EYS: variants seen among roughly 807,000 people sequenced by gnomAD.
EYS encodes the protein EGF-like photoreceptor maintenance factor.
Under a neutral mutation model 282.1 loss-of-function variants are expected in EYS, and 250 were observed. The observed-to-expected ratio is 0.89, with a 90% CI of 0.80 to 0.98. The LOEUF (loss-of-function observed/expected upper bound fraction) is 0.98. EYS is among the 50% of genes least tolerant of loss of function. The probability of loss-of-function intolerance (pLI) is 0.00; values close to 1 mark genes in which losing one functional copy is unlikely to be tolerated. For synonymous variants in EYS, 1,355 were observed against 1,282.9 expected (o/e 1.06, Z -1.20); for missense variants, 4,016 against 3,709.0 (o/e 1.08, Z -2.15).
At chr6:63,744,927 A>C (rs1415976736) in intron 41 of EYS, 6 of 394,858 alleles carry the variant, frequency 1.5e-5, no homozygotes, top group African/African-American at 4.3e-5. Context: ...AGTATAGTAG[A>C]TTAGATAACA....
At chr6:65,355,141 G>A (rs1764430725) in intron 8 of EYS, among the ~76,000 whole-genome samples, 1 of 152,006 alleles carries the variant, frequency 6.6e-6, no homozygotes, top group Non-Finnish European at 1.5e-5. Flanking sequence ...TATTCATATT[G>A]ATAGGATCCT....
At chr6:64,021,263 A>T (rs1205573686) in intron 33 of EYS, among the ~76,000 whole-genome samples, 1 of 152,054 alleles carries the variant, frequency 6.6e-6, no homozygotes, top group African/African-American at 2.4e-5. Flanking sequence ...GCATTTTCTT[A>T]AGCCAGGTAC....
At chr6:64,896,338 G>C (rs575648125) in intron 18 of EYS, among the ~76,000 whole-genome samples, 97 of 152,156 alleles carry the variant, frequency 6.4e-4, no homozygotes, top group African/African-American at 2.1e-3. Flanking sequence ...GGGGTCAGGG[G>C]CCTCCCTCCC....
intron 19 of EYS, among the ~76,000 whole-genome samples, chr6:64,873,552 G>A (rs1766657518): frequency 6.6e-6 from 1 of 152,026 alleles, no homozygotes; most frequent in South Asian, 2.1e-4. Context: ...TGGAGAAAGG[G>A]ATGATATTGA....
At chr6:64,881,241 C>A (rs763860661) in intron 19 of EYS, among the ~76,000 whole-genome samples, 2 of 151,696 alleles carry the variant, frequency 1.3e-5, no homozygotes, top group Admixed American at 6.6e-5. Flanking sequence ...AAGCTCATTT[C>A]TTTCAATATG....
At chr6:65,240,782 T>C (rs778777098) in intron 12 of EYS, among the ~76,000 whole-genome samples, 24 of 152,188 alleles carry the variant, frequency 1.6e-4, no homozygotes, top group Non-Finnish European at 3.2e-4. Flanking sequence ...CAATTTATTT[T>C]CCTTTGGATA....
At chr6:63,955,238 C>T (rs575847299) in intron 35 of EYS, among the ~76,000 whole-genome samples, 11 of 152,244 alleles carry the variant, frequency 7.2e-5, no homozygotes, top group South Asian at 2.1e-4. Flanking sequence ...TATCTTCTGT[C>T]TAATCATACT....
intron 31 of EYS, among the ~76,000 whole-genome samples, chr6:64,194,572 C>A (rs1292176840): frequency 6.6e-6 from 1 of 151,788 alleles, no homozygotes; most frequent in Non-Finnish European, 1.5e-5. Flanking sequence ...ATTACAATTA[C>A]CTTTTGGTTT....
At chr6:64,069,321 TATG>T (rs574875778) in intron 32 of EYS, among the ~76,000 whole-genome samples, 172 of 152,240 alleles carry the variant, frequency 1.1e-3, no homozygotes, top group African/African-American at 4.0e-3. Flanking sequence ...AAATAATTCT[TATG>T]ATGTAAATAT....
intron 26 of EYS, among the ~76,000 whole-genome samples, chr6:64,444,297 T>C (rs1054750019): frequency 6.6e-6 from 1 of 152,206 alleles, no homozygotes; most frequent in African/African-American, 2.4e-5. Context: ...GTTGGTATCA[T>C]TGCTTGTAAA....
chr6:63,950,657 T>C (rs533133884), intron 35 of EYS, among the ~76,000 whole-genome samples: 8 of 152,240 alleles, frequency 5.3e-5, no homozygotes, highest in Admixed American at 2.0e-4. Flanking sequence ...CCTCCTGCTC[T>C]TTGCTCCGTG....
At chr6:65,557,929 C>A (rs1768881997) in intron 2 of EYS, among the ~76,000 whole-genome samples, 1 of 151,976 alleles carries the variant, frequency 6.6e-6, no homozygotes, top group Non-Finnish European at 1.5e-5. Flanking sequence ...CTGGCTGAGT[C>A]CTGGGGTTTT....
intron 2 of EYS, among the ~76,000 whole-genome samples, chr6:65,555,042 G>GTGTATATT (rs1768746007): frequency 1.3e-5 from 2 of 151,824 alleles, no homozygotes; most frequent in African/African-American, 2.4e-5. Context: ...AATTGTACCT[G>GTGTATATT]GTGTAATTAT....
intron 12 of EYS, among the ~76,000 whole-genome samples, chr6:65,246,719 C>A (rs956986210): frequency 4.6e-5 from 7 of 152,126 alleles, no homozygotes; most frequent in African/African-American, 1.7e-4. Context: ...TACACACACA[C>A]ATGTATGCGT....
intron 40 of EYS, among the ~76,000 whole-genome samples, chr6:63,763,797 C>T (rs1011383512): frequency 8.0e-5 from 12 of 150,176 alleles, no homozygotes; most frequent in African/African-American, 1.5e-4. Context: ...AGCCTGAGAA[C>T]GGACTAATAC....
Position 64,590,305 on chromosome 6 carries a change from T to G in EYS, c.5562A>C (p.Ala1854=), listed in dbSNP as rs1306217012. ...ATCTAGTGAAGGGAAGATGCCGGCTTGCAGTGGGAAATTCCTGATATTGCA... is the reference window on the plus strand; with the variant it reads ...ATCTAGTGAAGGGAAGATGCCGGCTGGCAGTGGGAAATTCCTGATATTGCA... ...PSVQYQEFPT[A]SRHLPFTRSL... is the part of the protein sequence containing the mutation. Residue 1854 remains alanine, a synonymous_variant, in exon 26 of 43, where the codon GCA becomes GCC. Coordinates refer to ENST00000503581, the MANE Select transcript of EYS (RefSeq NM_001142800.2). The G allele has an allele frequency of 1.9e-6, 3 of 1,551,180 alleles. No individual in the cohort carries two copies. The highest frequency in any genetic ancestry group is 2.4e-5 in the East Asian group (1 of 40,904).
chr6:64,959,762 A>G (rs1444259607), intron 14 of EYS, among the ~76,000 whole-genome samples: 1 of 152,152 alleles, frequency 6.6e-6, no homozygotes, highest in African/African-American at 2.4e-5. Flanking sequence ...CTATTGTGCC[A>G]AGTATTCTGA....
chr6:63,998,497 A>G (rs1289777655), intron 34 of EYS, among the ~76,000 whole-genome samples: 3 of 152,224 alleles, frequency 2.0e-5, no homozygotes, highest in Non-Finnish European at 4.4e-5. Context: ...CAAATGAACT[A>G]GGAATTTTTA....
intron 29 of EYS, among the ~76,000 whole-genome samples, chr6:64,345,155 C>T (rs1336507717): frequency 6.6e-6 from 1 of 152,130 alleles, no homozygotes; most frequent in Admixed American, 6.6e-5. Context: ...ATGCCATCCC[C>T]ATCAAGCTAC....
Sources: gnomAD v4.1 joint callset for allele counts (sites outside exome capture counted in the v4.1 genomes callset) on GRCh38, gnomAD v4.1.1 for gene constraint, MANE v1.5 for transcripts, NCBI Gene and HGNC (gene_info 2026-07-23, HGNC 2026-07-21) for gene names.